FHIT: variants seen among roughly 807,000 people sequenced by gnomAD.
FHIT encodes the protein bis(5'-adenosyl)-triphosphatase.
FHIT carries 19 observed loss-of-function variants against 17.9 expected under a neutral mutation model. The ratio of observed to expected loss-of-function variants is 1.06; its 90% confidence interval spans 0.74 to 1.56. The LOEUF (loss-of-function observed/expected upper bound fraction) is 1.56, where lower values mean the gene tolerates loss of function less well. Among genes scored for constraint, FHIT ranks in the 40% most tolerant of loss-of-function variants. FHIT has a pLI of 0.00. For missense variants in FHIT, 248 were observed against 189.2 expected (o/e 1.31, Z -1.82); for synonymous variants, 81 against 69.7 (o/e 1.16, Z -0.81).
chr3:60,686,793 G>T (rs2040871165), intron 4 of FHIT, among the ~76,000 whole-genome samples: 1 of 152,162 alleles, frequency 6.6e-6, no homozygotes. Flanking sequence ...CAGAAAGACT[G>T]AGCTTCCTAC....
At chr3:60,805,174 T>A (rs1480982751) in intron 4 of FHIT, among the ~76,000 whole-genome samples, 2 of 152,130 alleles carry the variant, frequency 1.3e-5, no homozygotes, top group Non-Finnish European at 2.9e-5. Context: ...AAATTAAGAG[T>A]TGTATTTAAC....
intron 5 of FHIT, among the ~76,000 whole-genome samples, chr3:60,394,469 A>G (rs1487802906): frequency 3.3e-5 from 5 of 152,188 alleles, no homozygotes; most frequent in Non-Finnish European, 5.9e-5. Context: ...CATGCCCAAA[A>G]TCAAGAGGAC....
At chr3:59,982,185 G>C (rs909934915) in intron 7 of FHIT, among the ~76,000 whole-genome samples, 1 of 152,154 alleles carries the variant, frequency 6.6e-6, no homozygotes. Flanking sequence ...GTGAAGATGA[G>C]AGTGAGGAAG....
In FHIT at chr3:60,080,511, C is replaced by T. The variant is rs539946189; in HGVS notation, c.104-66359G>A. Among the ~76,000 whole-genome samples the T allele has an allele frequency of 5.3e-5, 8 of 152,200 alleles. No individual in the cohort carries two copies. The East Asian group carries it at 1.5e-3, about 29-fold the overall frequency. ...TTTACTCTGCCTTGCTTCATTTCATCCAGGCACTGATTATTTTTTCATTCT... is the reference window on the plus strand; with the variant it reads ...TTTACTCTGCCTTGCTTCATTTCATTCAGGCACTGATTATTTTTTCATTCT... On this transcript the variant is annotated intron_variant, in intron 5 of 9. Transcript: ENST00000492590.
chr3:60,429,826 T>C (rs946026858), intron 5 of FHIT, among the ~76,000 whole-genome samples: 1 of 152,072 alleles, frequency 6.6e-6, no homozygotes, highest in Admixed American at 6.6e-5. Flanking sequence ...TGTGGAAGCA[T>C]AGGTACTAAG....
chr3:61,054,040 C>G (rs1049307750), intron 2 of FHIT, among the ~76,000 whole-genome samples: 4 of 152,206 alleles, frequency 2.6e-5, no homozygotes, highest in Non-Finnish European at 4.4e-5. Context: ...TCTGAACAGG[C>G]TCTCACAGCC....
intron 4 of FHIT, among the ~76,000 whole-genome samples, chr3:60,580,861 G>GGT (rs1368942228): frequency 1.3e-5 from 2 of 152,074 alleles, no homozygotes; most frequent in African/African-American, 4.8e-5. Flanking sequence ...GCCTGCCAAG[G>GGT]GTGTATGACA....
At chr3:60,437,001 A>C (rs1039880275) in intron 5 of FHIT, among the ~76,000 whole-genome samples, 3 of 152,128 alleles carry the variant, frequency 2.0e-5, no homozygotes, top group Non-Finnish European at 4.4e-5. Flanking sequence ...AAAGAACAGC[A>C]CCTAACAAGC....
chr3:60,063,114 T>G (rs1317350750), intron 5 of FHIT, among the ~76,000 whole-genome samples: 1 of 152,160 alleles, frequency 6.6e-6, no homozygotes, highest in East Asian at 1.9e-4. Context: ...AACAGACACT[T>G]GGACAGAGAA....
chr3:60,070,050 G>T (rs1041890854), intron 5 of FHIT, among the ~76,000 whole-genome samples: 2 of 152,038 alleles, frequency 1.3e-5, no homozygotes, highest in African/African-American at 4.8e-5. Flanking sequence ...TGCTTTTATT[G>T]CTCCCTATTG....
At chr3:60,977,560 G>A (rs548974076) in intron 3 of FHIT, among the ~76,000 whole-genome samples, 1 of 152,076 alleles carries the variant, frequency 6.6e-6, no homozygotes, top group Non-Finnish European at 1.5e-5. Context: ...AGCAGTGGGG[G>A]ATGCTGGCAT....
intron 3 of FHIT, among the ~76,000 whole-genome samples, chr3:60,960,715 T>C (rs1214015582): frequency 6.6e-6 from 1 of 152,192 alleles, no homozygotes; most frequent in African/African-American, 2.4e-5. Flanking sequence ...AATAGTTTGC[T>C]CAGAATGGTT....
At chr3:60,132,977 G>A (rs759065026) in intron 5 of FHIT, among the ~76,000 whole-genome samples, 23 of 152,192 alleles carry the variant, frequency 1.5e-4, no homozygotes, top group Non-Finnish European at 2.5e-4. Flanking sequence ...ATCTAAAAGC[G>A]TTAATATACA....
At chr3:60,204,453 T>TGA (rs148487698) in intron 5 of FHIT, among the ~76,000 whole-genome samples, 4 of 141,146 alleles carry the variant, frequency 2.8e-5, no homozygotes, top group African/African-American at 1.1e-4. Flanking sequence ...GGTTTTTTTT[T>TGA]TTTTGTTTTG....
chr3:60,291,291 G>GGT (rs1261800928), intron 5 of FHIT, among the ~76,000 whole-genome samples: 10 of 152,112 alleles, frequency 6.6e-5, no homozygotes, highest in African/African-American at 2.4e-4. Context: ...AGTTGGACCA[G>GGT]GTGTGCCATT....
chr3:60,802,698 G>C lies in FHIT; in HGVS notation c.-18+19221C>G, dbSNP rs894919211. 1.1e-3 allele frequency among the ~76,000 whole-genome samples: 161 copies of C among 152,092 alleles called. 3 individuals carry two copies. Among genetic ancestry groups the C allele is most frequent in the Non-Finnish European group, 1.6e-4 (11 of 68,004 alleles). ...TTTTAGGCCGAGTCTCTTAGGAACT[G>C]GGTGTCATTTATTAGTAAACCTAAT... On this transcript the variant is annotated intron_variant, in intron 4 of 9. Transcript: ENST00000492590.
At chr3:60,470,058 T>TCTCTCTC (rs1576711581) in intron 5 of FHIT, among the ~76,000 whole-genome samples, 3 of 142,942 alleles carry the variant, frequency 2.1e-5, no homozygotes, top group African/African-American at 8.1e-5. Context: ...CTCTCTTTCT[T>TCTCTCTC]TCTCTCTCTC....
At chr3:60,998,794 A>G (rs1170630948) in intron 3 of FHIT, among the ~76,000 whole-genome samples, 1 of 152,114 alleles carries the variant, frequency 6.6e-6, no homozygotes, top group African/African-American at 2.4e-5. Flanking sequence ...TACTGCATAC[A>G]GTCAAATATA....
intron 5 of FHIT, among the ~76,000 whole-genome samples, chr3:60,152,889 C>A (rs917966963): frequency 6.6e-6 from 1 of 152,064 alleles, no homozygotes; most frequent in Admixed American, 6.5e-5. Context: ...AAGTTGCTTA[C>A]GGTACAACCT....
Sources: allele counts gnomAD v4.1 joint callset (sites outside exome capture counted in the v4.1 genomes callset), GRCh38; gene constraint gnomAD v4.1.1; transcripts MANE v1.5; gene names NCBI Gene and HGNC (gene_info 2026-07-23, HGNC 2026-07-21).